ITGA8: variants seen among roughly 807,000 people sequenced by gnomAD.
ITGA8 encodes the protein integrin subunit alpha 8, also known as integrin alpha-8.
Under a neutral mutation model 142.3 loss-of-function variants are expected in ITGA8, and 91 were observed. The ratio of observed to expected loss-of-function variants is 0.64; its 90% CI spans 0.54 to 0.76. The LOEUF is 0.76. Ranked by LOEUF, ITGA8 falls within the 30% of genes least tolerant of loss-of-function variation. The pLI, the probability that ITGA8 is intolerant of heterozygous loss-of-function variation, is 0.00. For synonymous variants in ITGA8, 505 were observed against 485.2 expected, an observed-to-expected ratio of 1.04 and a Z score of -0.54; for missense variants, 1,406 against 1,327.7, an observed-to-expected ratio of 1.06 and a Z score of -0.92.
chr10:15,571,430 G>A (rs1224517395), intron 25 of ITGA8, among the ~76,000 whole-genome samples: 1 of 152,198 alleles, frequency 6.6e-6, no homozygotes, highest in Non-Finnish European at 1.5e-5. Context: ...AGATGTTGTT[G>A]TCTTTTGTTT....
In ITGA8 at chr10:15,719,728, G is replaced by A. The variant is rs1835526741; in HGVS notation, c.44C>T (p.Pro15Leu). 2 of 1,383,598 alleles carry A rather than the reference G, an allele frequency of 1.4e-6. No individual in the cohort carries two copies. Among genetic ancestry groups the A allele is most frequent in the African/African-American group, 1.5e-5 (1 of 65,798 alleles). The allele number at this position is 1,383,598 out of a possible 1,614,324, so 85.7% of individuals were successfully genotyped here. ...ASRGPRGSQA[P>L]LIAPLCCAAA... is the part of the protein sequence containing the mutation. ...GGCGCAGCAGAGGGGCGCGATCAGC[G>A]GCGCCTGGCTTCCCCGGGGACCGCG... is the stretch of plus-strand genomic sequence containing the variant. Residue 15 changes from proline to leucine, a missense_variant, in exon 1 of 30, where the codon CCG becomes CTG. By Grantham distance (98) the Pro-to-Leu change is moderately conservative. Coordinates refer to ENST00000378076, the MANE Select transcript of ITGA8 (RefSeq NM_003638.3).
intron 13 of ITGA8, among the ~76,000 whole-genome samples, chr10:15,638,759 G>A (rs1833816471): frequency 6.6e-6 from 1 of 152,122 alleles, no homozygotes; most frequent in South Asian, 2.1e-4. Flanking sequence ...ACAAATTTTG[G>A]AATTTTGTTT....
Position 15,517,066 on chromosome 10 carries a change from A to C in ITGA8, c.*92T>G. The C allele has an allele frequency of 1.2e-6, 1 of 820,950 alleles. No homozygotes were observed. The highest frequency in any genetic ancestry group is 1.9e-6 in the Non-Finnish European group (1 of 539,056). The allele number at this position is 820,950 out of a possible 1,614,324, so 50.9% of individuals were successfully genotyped here. A position where few individuals can be genotyped will look rare whatever the true frequency, so the allele number is the denominator to read the frequency against. On this transcript the variant is annotated 3_prime_UTR_variant, in exon 30 of 30. Coordinates refer to ENST00000378076, the MANE Select transcript of ITGA8 (RefSeq NM_003638.3). ...TCCATTTCCTGGGTCACTGTCAGGT[A>C]TCAGAAAGCTTTGATTTTTAACCCT...
chr10:15,581,707 A>G (rs1834410342), intron 23 of ITGA8, among the ~76,000 whole-genome samples: 1 of 152,238 alleles, frequency 6.6e-6, no homozygotes, highest in African/African-American at 2.4e-5. Flanking sequence ...ATGTGCAAAC[A>G]AAAAACTACT....
intron 13 of ITGA8, among the ~76,000 whole-genome samples, chr10:15,637,504 A>ATTTTTT (rs59157680): frequency 1.3e-4 from 17 of 131,160 alleles, no homozygotes; most frequent in Non-Finnish European, 1.8e-4. Flanking sequence ...GACTCTTTAA[A>ATTTTTT]TTTTTTTTTT....
In ITGA8 at chr10:15,718,924, C is replaced by T. The variant is rs1158365236; in HGVS notation, c.210-25G>A. The T allele has an allele frequency of 1.9e-6, 3 of 1,613,582 alleles. No homozygotes were observed. The Admixed American group carries it at 5.0e-5, about 27-fold the overall frequency. ...TCTGCAAAAGAGTTGGAGAAAGTCA[C>T]TCTTTGGGCGCCACAAAACCGTGCG... is the stretch of plus-strand genomic sequence containing the variant. On this transcript the variant is annotated intron_variant, in intron 1 of 29. Transcript: ENST00000378076.
At chr10:15,676,465 C>T (rs1331833985) in intron 6 of ITGA8, among the ~76,000 whole-genome samples, 3 of 152,094 alleles carry the variant, frequency 2.0e-5, no homozygotes, top group African/African-American at 7.2e-5. Context: ...TAATTTCTCC[C>T]AGCCCCATCA....
intron 25 of ITGA8, among the ~76,000 whole-genome samples, chr10:15,570,610 C>CAAAAAAA (rs931457896): frequency 1.3e-4 from 5 of 40,000 alleles, no homozygotes; most frequent in African/African-American, 1.9e-4. Context: ...AACTCCATCT[C>CAAAAAAA]AAAAAAAAAA....
intron 25 of ITGA8, among the ~76,000 whole-genome samples, chr10:15,559,580 A>G (rs1381995069): frequency 1.3e-5 from 2 of 152,158 alleles, no homozygotes; most frequent in Non-Finnish European, 2.9e-5. Flanking sequence ...CAAAAATAAG[A>G]GAGTGACAAA....
chr10:15,684,738 A>G (rs1183788535), intron 3 of ITGA8, among the ~76,000 whole-genome samples: 1 of 152,170 alleles, frequency 6.6e-6, no homozygotes, highest in Non-Finnish European at 1.5e-5. Context: ...CTAAAAGCGA[A>G]TAACTCATAT....
At chr10:15,676,003 A>T (rs1834622862) in intron 6 of ITGA8, among the ~76,000 whole-genome samples, 1 of 152,202 alleles carries the variant, frequency 6.6e-6, no homozygotes, top group African/African-American at 2.4e-5. Context: ...AATATCATGA[A>T]AATTTATGAT....
intron 4 of ITGA8, among the ~76,000 whole-genome samples, chr10:15,682,081 A>G (rs2131700753): frequency 6.6e-6 from 1 of 152,120 alleles, no homozygotes; most frequent in South Asian, 2.1e-4. Context: ...TCCAATAATC[A>G]TTTGCTAGAA....
chr10:15,621,799 TG>T (rs1833495500), intron 13 of ITGA8, among the ~76,000 whole-genome samples: 1 of 152,050 alleles, frequency 6.6e-6, no homozygotes, highest in Non-Finnish European at 1.5e-5. Context: ...CCCAGGAGTT[TG>T]AGATTGCAGT....
intron 2 of ITGA8, among the ~76,000 whole-genome samples, chr10:15,696,819 C>T (rs7087034): frequency 0.16 from 23,290 of 147,626 alleles, 1,933 homozygotes; most frequent in South Asian, 0.2. Context: ...ATAGTGCCAC[C>T]GCACTCCAGC....
chr10:15,655,820 T>C (rs1834173798), intron 10 of ITGA8, among the ~76,000 whole-genome samples: 1 of 152,154 alleles, frequency 6.6e-6, no homozygotes, highest in Non-Finnish European at 1.5e-5. Flanking sequence ...GTGTGGTGGC[T>C]TATGTCTATA....
intron 13 of ITGA8, among the ~76,000 whole-genome samples, chr10:15,620,225 A>T (rs183425415): frequency 2.6e-5 from 4 of 152,362 alleles, no homozygotes; most frequent in Non-Finnish European, 5.9e-5. Context: ...AGAGATGAAG[A>T]AAATGAAACA....
At chr10:15,597,496 G>A (rs557980655) in intron 20 of ITGA8, among the ~76,000 whole-genome samples, 197 bp from the exon 21 acceptor site, 17 of 152,278 alleles carry the variant, frequency 1.1e-4, no homozygotes, top group Non-Finnish European at 1.9e-4. Context: ...AGAAATAAAT[G>A]TGTTGGGTAG....
At chr10:15,617,359 A>G (rs1283902930) in intron 13 of ITGA8, among the ~76,000 whole-genome samples, 1 of 151,616 alleles carries the variant, frequency 6.6e-6, no homozygotes, top group Non-Finnish European at 1.5e-5. Flanking sequence ...AATGGTCACA[A>G]TTATTTAGGT....
intron 4 of ITGA8, among the ~76,000 whole-genome samples, chr10:15,681,223 T>C (rs1389693875): frequency 2.0e-5 from 3 of 152,222 alleles, no homozygotes; most frequent in Admixed American, 2.0e-4. Context: ...ATTGCTGATG[T>C]TTCCTGTTCT....
Sources: allele counts gnomAD v4.1 joint callset (sites outside exome capture counted in the v4.1 genomes callset), GRCh38; gene constraint gnomAD v4.1.1; transcripts MANE v1.5; gene names NCBI Gene and HGNC (gene_info 2026-07-23, HGNC 2026-07-21).